Variants in VWA3B observed in about 807,000 individuals in gnomAD.
VWA3B encodes the protein von Willebrand factor A domain-containing protein 3B.
In VWA3B, 138 loss-of-function variants were observed where a neutral mutation model predicts 158.3. The observed-to-expected ratio is 0.87, with a 90% CI of 0.76 to 1.00. The LOEUF is 1.00. VWA3B is among the 50% of genes least tolerant of loss of function. The pLI is 0.00. For missense variants in VWA3B, 1,555 were observed against 1,565.1 expected (o/e 0.99, Z 0.11); for synonymous variants, 596 against 587.3 (o/e 1.01, Z -0.21).
intron 2 of VWA3B, among the ~76,000 whole-genome samples, chr2:98,101,016 A>G (rs1212909649): frequency 6.6e-6 from 1 of 152,192 alleles, no homozygotes; most frequent in African/African-American, 2.4e-5. Context: ...CTTTTTTAAA[A>G]GACAAAATAA....
chr2:98,232,960 G>A (rs1009748108), intron 16 of VWA3B, among the ~76,000 whole-genome samples: 1 of 152,138 alleles, frequency 6.6e-6, no homozygotes, highest in African/African-American at 2.4e-5. Flanking sequence ...GAACCCACAG[G>A]GACCAAGAGG....
intron 2 of VWA3B, among the ~76,000 whole-genome samples, chr2:98,104,536 C>T (rs551202621): frequency 3.8e-4 from 58 of 152,296 alleles, no homozygotes; most frequent in African/African-American, 1.3e-3. Context: ...TCGCCGTGAT[C>T]CAAACACTTC....
At chr2:98,149,574 C>T (rs1037650740) in intron 7 of VWA3B, among the ~76,000 whole-genome samples, 8 of 152,144 alleles carry the variant, frequency 5.3e-5, no homozygotes, top group African/African-American at 1.7e-4. Flanking sequence ...CTTATGCAAA[C>T]GTTTGATTGA....
chr2:98,238,026 G>A (rs759500719), intron 19 of VWA3B, among the ~76,000 whole-genome samples: 7 of 152,042 alleles, frequency 4.6e-5, no homozygotes, highest in Non-Finnish European at 8.8e-5. Context: ...AAAGATCAAA[G>A]GCAGGAGAAA....
chr2:98,264,459 T>G (rs1687669623), intron 21 of VWA3B, among the ~76,000 whole-genome samples: 1 of 152,212 alleles, frequency 6.6e-6, no homozygotes, highest in African/African-American at 2.4e-5. Context: ...ATTTCCCTTG[T>G]GATTTATTCT....
rs550628829 is a variant in VWA3B, at chr2:98,285,879, A to G, written c.3046-4632A>G. ...TATATCAGTTTAGGAACAAATGACT[A>G]TCTTAATAATATCAAGTCTTCCAAT... On this transcript the variant is annotated intron_variant, in intron 22 of 27. Transcript: ENST00000477737. 4.3e-4 allele frequency among the ~76,000 whole-genome samples: 65 copies of G among 152,252 alleles called. 2 individuals are homozygous for G. In the South Asian group the frequency reaches 0.013, roughly 30 times the overall value.
rs190888496 is a variant in VWA3B, at chr2:98,111,995, G to T, written c.197-3657G>T. 6.4e-4 allele frequency among the ~76,000 whole-genome samples: 98 copies of T among 152,154 alleles called. 1 individual carries two copies. The highest frequency in any genetic ancestry group is 3.7e-3 in the Admixed American group (56 of 15,286). ...ACTTAGTTATAAATTATTTGCCAAG[G>T]CCTGTGCCCAGAATAATATTTCTTA... On this transcript the variant is annotated intron_variant, in intron 2 of 27. Coordinates refer to ENST00000477737, the MANE Select transcript of VWA3B (RefSeq NM_144992.5).
Position 98,107,800 on chromosome 2 carries a change from C to A in VWA3B, c.197-7852C>A, listed in dbSNP as rs118034126. ...ACTAGTGGTTTGTCAGTTTATTGATCTTTAAAAAATACCAGCTTTTTTGTT... is the reference window on the plus strand; with the variant it reads ...ACTAGTGGTTTGTCAGTTTATTGATATTTAAAAAATACCAGCTTTTTTGTT... On this transcript the variant is annotated intron_variant, in intron 2 of 27. Transcript: ENST00000477737. Among the ~76,000 whole-genome samples the A allele has an allele frequency of 5.1e-3, 772 of 152,012 alleles. 16 individuals carry two copies. The East Asian group carries it at 0.088, about 17-fold the overall frequency.
chr2:98,289,507 G>T (rs1434057395), intron 22 of VWA3B, among the ~76,000 whole-genome samples: 1 of 152,148 alleles, frequency 6.6e-6, no homozygotes, highest in Non-Finnish European at 1.5e-5. Flanking sequence ...CTGACTTCTA[G>T]CATCCACTGT....
chr2:98,098,002 T>C (rs961401471), intron 2 of VWA3B, among the ~76,000 whole-genome samples: 1 of 152,180 alleles, frequency 6.6e-6, no homozygotes, highest in Non-Finnish European at 1.5e-5. Context: ...GTGCATGTTG[T>C]TTAATTTCAA....
intron 20 of VWA3B, among the ~76,000 whole-genome samples, chr2:98,254,523 A>G (rs1250356599): frequency 6.6e-6 from 1 of 152,186 alleles, no homozygotes; most frequent in Non-Finnish European, 1.5e-5. Flanking sequence ...CCAATTTCCA[A>G]ATAGGCCTCA....
At position 98,290,718 on chromosome 2, in the gene VWA3B, A is replaced by G. The variant is rs538093982; in HGVS notation, c.3157+96A>G. 9.4e-6 allele frequency: 8 copies of G among 852,482 alleles called. No individual in the cohort carries two copies. In the East Asian group the frequency reaches 2.1e-4, roughly 23 times the overall value. The allele number at this position is 852,482 out of a possible 1,614,324, so 52.8% of individuals were successfully genotyped here. A position where few individuals can be genotyped will look rare whatever the true frequency, so the allele number is the denominator to read the frequency against. On this transcript the variant is annotated intron_variant, in intron 23 of 27. Coordinates refer to ENST00000477737, the MANE Select transcript of VWA3B (RefSeq NM_144992.5). Reference sequence around the variant, plus strand: ...CCTGTGCTTTTGCTAGAACACTGACATTTCATGAGCTGGCCTGAGCTAGTC... The same window carrying G: ...CCTGTGCTTTTGCTAGAACACTGACGTTTCATGAGCTGGCCTGAGCTAGTC...
At chr2:98,210,811 A>G (rs754850511) in intron 12 of VWA3B, among the ~76,000 whole-genome samples, 11 of 152,152 alleles carry the variant, frequency 7.2e-5, no homozygotes, top group Non-Finnish European at 1.2e-4. Flanking sequence ...CGCTTTAGCT[A>G]GGGTGTGGGT....
intron 13 of VWA3B, among the ~76,000 whole-genome samples, chr2:98,213,923 G>A (rs979180863): frequency 1.3e-5 from 2 of 152,200 alleles, no homozygotes; most frequent in Non-Finnish European, 2.9e-5. Context: ...GGGTGGGGAG[G>A]CCCACTCCTG....
chr2:98,325,831 C>T, the VWA3B span, among the ~76,000 whole-genome samples: 2 of 152,166 alleles, frequency 1.3e-5, no homozygotes, highest in Non-Finnish European at 2.9e-5. Flanking sequence ...AACCAAAAAC[C>T]AGTAGAGATT....
chr2:98,201,442 A>AT (rs1477244232), intron 12 of VWA3B, among the ~76,000 whole-genome samples: 3 of 152,062 alleles, frequency 2.0e-5, no homozygotes, highest in Middle Eastern at 3.4e-3. Context: ...AGATGATTTT[A>AT]TTTTTTCCTA....
At chr2:98,222,517 G>A (rs901587882) in intron 14 of VWA3B, among the ~76,000 whole-genome samples, 8 of 152,186 alleles carry the variant, frequency 5.3e-5, no homozygotes, top group Admixed American at 2.0e-4. Context: ...ATCAGAGTGC[G>A]TTGGAAGAAC....
intron 22 of VWA3B, among the ~76,000 whole-genome samples, chr2:98,280,364 A>G (rs976626360): frequency 2.6e-5 from 4 of 152,318 alleles, no homozygotes; most frequent in African/African-American, 9.6e-5. Flanking sequence ...GAGAGAGAGA[A>G]AAAAAACACA....
At chr2:98,190,430 A>G (rs1480691111) in intron 10 of VWA3B, among the ~76,000 whole-genome samples, 2 of 152,160 alleles carry the variant, frequency 1.3e-5, no homozygotes, top group Non-Finnish European at 2.9e-5. Context: ...TGTATTTTAT[A>G]TTTAACCACA....
Sources: allele counts gnomAD v4.1 joint callset (sites outside exome capture counted in the v4.1 genomes callset), GRCh38; gene constraint gnomAD v4.1.1; transcripts MANE v1.5; gene names NCBI Gene and HGNC (gene_info 2026-07-23, HGNC 2026-07-21).